The following KCNMB2 variants were observed in gnomAD, a reference collection of about 807,000 sequenced individuals.
KCNMB2 encodes the protein calcium-activated potassium channel subunit beta-2.
Under a neutral mutation model 24.5 loss-of-function variants are expected in KCNMB2, and 9 were observed. The observed-to-expected ratio is 0.37, with a 90% CI of 0.22 to 0.64. The LOEUF (loss-of-function observed/expected upper bound fraction) is 0.64, where lower values mean the gene tolerates loss of function less well. Ranked by LOEUF, KCNMB2 falls within the 30% of genes least tolerant of loss-of-function variation. The pLI is 0.63. For missense variants in KCNMB2, 226 were observed against 284.3 expected, an observed-to-expected ratio of 0.79 and a Z score of 1.47; for synonymous variants, 109 against 104.4, an observed-to-expected ratio of 1.04 and a Z score of -0.27.
intron 1 of KCNMB2, among the ~76,000 whole-genome samples, chr3:178,691,107 C>A (rs773412429): frequency 2.5e-5 from 2 of 79,688 alleles, no homozygotes. Flanking sequence ...CCCATTAAGT[C>A]TTTTTTTTTT....
chr3:178,566,331 T>C (rs1716516577), intron 1 of KCNMB2, among the ~76,000 whole-genome samples: 1 of 152,136 alleles, frequency 6.6e-6, no homozygotes, highest in Non-Finnish European at 1.5e-5. Context: ...TAGAGGTAGG[T>C]CTAAATATAA....
At chr3:178,821,794 C>T (rs1335720768) in intron 2 of KCNMB2, among the ~76,000 whole-genome samples, 1 of 152,164 alleles carries the variant, frequency 6.6e-6, no homozygotes, top group Non-Finnish European at 1.5e-5. Context: ...CTTACTTCCT[C>T]ATCATCCCCT....
rs534839179 is a variant in KCNMB2, at chr3:178,720,581, C to G, written c.-67-86762C>G. Among the ~76,000 whole-genome samples the G allele has an allele frequency of 4.3e-3, 511 of 120,144 alleles. 2 individuals are homozygous for G. The Middle Eastern group carries it at 0.065, about 15-fold the overall frequency. 78.8% of individuals were successfully genotyped at this position (120,144 alleles called of 152,430 possible). A position where few individuals can be genotyped will look rare whatever the true frequency, so the allele number is the denominator to read the frequency against. ...ACTGACTTCCACAATGGTTGAACTA[C>G]TTTACAGTCCCACCAACAGTGTAAA... On this transcript the variant is annotated intron_variant, in intron 1 of 4. Transcript: ENST00000452583.
intron 1 of KCNMB2, among the ~76,000 whole-genome samples, chr3:178,759,487 ATCTCCAAGAGGATATATATATATC>A (rs1711605803): frequency 9.3e-6 from 1 of 107,122 alleles, no homozygotes; most frequent in Non-Finnish European, 1.8e-5. Flanking sequence ...ATATATATAT[ATCTCCAAGAGGATATATATATATC>A]TCTCCAAGAG....
intron 1 of KCNMB2, among the ~76,000 whole-genome samples, chr3:178,718,698 G>C (rs1407101864): frequency 6.6e-6 from 1 of 152,178 alleles, no homozygotes; most frequent in African/African-American, 2.4e-5. Flanking sequence ...CTGGGGTTTA[G>C]ACAAATTCCC....
chr3:178,786,849 GAAAT>G (rs1426985864), intron 1 of KCNMB2, among the ~76,000 whole-genome samples: 3 of 149,034 alleles, frequency 2.0e-5, no homozygotes, highest in South Asian at 2.2e-4. Context: ...AAAAAAAAAA[GAAAT>G]AAATAAACAA....
At chr3:178,667,700 G>A (rs1469844602) in intron 1 of KCNMB2, among the ~76,000 whole-genome samples, 1 of 150,696 alleles carries the variant, frequency 6.6e-6, no homozygotes, top group Non-Finnish European at 1.5e-5. Flanking sequence ...TCCAGCCTCT[G>A]GAATGTTCAA....
At chr3:178,686,507 G>A (rs1376866881) in intron 1 of KCNMB2, among the ~76,000 whole-genome samples, 9 of 152,054 alleles carry the variant, frequency 5.9e-5, no homozygotes, top group Admixed American at 5.9e-4. Flanking sequence ...CTCAAATGAG[G>A]GCCTTATAAC....
At chr3:178,751,573 CAAAAAAAAAAAAAA>C (rs61148761) in intron 1 of KCNMB2, among the ~76,000 whole-genome samples, 14 of 47,696 alleles carry the variant, frequency 2.9e-4, no homozygotes, top group African/African-American at 4.4e-4. Context: ...GACTCCGTCT[CAAAAAAAAAAAAAA>C]AAAAAAAAAA....
intron 1 of KCNMB2, among the ~76,000 whole-genome samples, chr3:178,761,926 C>G (rs1711904203): frequency 6.6e-6 from 1 of 152,156 alleles, no homozygotes; most frequent in Admixed American, 6.5e-5. Context: ...AACCGCAGCA[C>G]TTTGGGAGGC....
chr3:178,769,744 A>C (rs1369605782), intron 1 of KCNMB2, among the ~76,000 whole-genome samples: 1 of 152,226 alleles, frequency 6.6e-6, no homozygotes, highest in Non-Finnish European at 1.5e-5. Flanking sequence ...AAAAGTGCTG[A>C]AGAATAGCCA....
intron 1 of KCNMB2, among the ~76,000 whole-genome samples, chr3:178,587,958 C>T (rs1560120422): frequency 7.3e-6 from 1 of 137,002 alleles, no homozygotes; most frequent in Non-Finnish European, 1.5e-5. Context: ...TCTCACTGTT[C>T]AATTCCCACC....
At chr3:178,623,533 T>C (rs1007628769) in intron 1 of KCNMB2, among the ~76,000 whole-genome samples, 1 of 152,198 alleles carries the variant, frequency 6.6e-6, no homozygotes, top group South Asian at 2.1e-4. Flanking sequence ...ATTTTGATAT[T>C]CTAGTCTGGT....
At chr3:178,735,159 GAAGT>G (rs1417910668) in intron 1 of KCNMB2, among the ~76,000 whole-genome samples, 1 of 152,224 alleles carries the variant, frequency 6.6e-6, no homozygotes, top group Non-Finnish European at 1.5e-5. Flanking sequence ...CACTCCTTAT[GAAGT>G]AAGATAGCCA....
intron 1 of KCNMB2, among the ~76,000 whole-genome samples, chr3:178,626,631 C>T (rs371203543): frequency 6.6e-6 from 1 of 151,880 alleles, no homozygotes; most frequent in Non-Finnish European, 1.5e-5. Context: ...CTTATAAAAC[C>T]ATCAGATCTC....
At chr3:178,808,867 C>T (rs750701899) in intron 2 of KCNMB2, among the ~76,000 whole-genome samples, 1 of 151,982 alleles carries the variant, frequency 6.6e-6, no homozygotes, top group African/African-American at 2.4e-5. Flanking sequence ...CATATTGTTA[C>T]CTTAATTATG....
chr3:178,652,664 C>CTTTT (rs3052276), intron 1 of KCNMB2, among the ~76,000 whole-genome samples: 3 of 136,994 alleles, frequency 2.2e-5, no homozygotes, highest in Admixed American at 7.3e-5. Flanking sequence ...TCTCTATATA[C>CTTTT]TTTTTTTTTT....
intron 1 of KCNMB2, among the ~76,000 whole-genome samples, chr3:178,620,420 G>A (rs186757055): frequency 1.3e-5 from 2 of 152,288 alleles, no homozygotes; most frequent in Admixed American, 1.3e-4. Context: ...GCCATAGAAT[G>A]AGAGGGATAT....
At chr3:178,763,970 A>G (rs1284236688) in intron 1 of KCNMB2, among the ~76,000 whole-genome samples, 1 of 152,196 alleles carries the variant, frequency 6.6e-6, no homozygotes, top group Non-Finnish European at 1.5e-5. Flanking sequence ...GAAAACCACT[A>G]TAAAATGCAA....
Sources: allele counts gnomAD v4.1 joint callset (sites outside exome capture counted in the v4.1 genomes callset), GRCh38; gene constraint gnomAD v4.1.1; transcripts MANE v1.5; gene names NCBI Gene and HGNC (gene_info 2026-07-23, HGNC 2026-07-21).